RBPMS: variants seen among roughly 807,000 people sequenced by gnomAD.
RBPMS encodes the protein RNA binding protein, mRNA processing factor, also known as RNA-binding protein with multiple splicing.
In RBPMS, 7 loss-of-function variants were observed where a neutral mutation model predicts 26.8. The observed-to-expected ratio is 0.26, with a 90% CI of 0.15 to 0.49. RBPMS has a LOEUF of 0.49. Among genes scored for constraint, RBPMS ranks in the 20% least tolerant of loss-of-function variants. The pLI is 0.98. For synonymous variants in RBPMS, 96 were observed against 93.3 expected (o/e 1.03, Z -0.17); for missense variants, 186 against 250.0 (o/e 0.74, Z 1.73).
chr8:30,569,287 G>C (rs1485478294), intron 8 of RBPMS, among the ~76,000 whole-genome samples: 2 of 152,178 alleles, frequency 1.3e-5, no homozygotes, highest in Admixed American at 6.5e-5. Flanking sequence ...GTTTGCATTT[G>C]GGCCACCTGC....
chr8:30,548,503 CTA>C (rs1826040820), intron 6 of RBPMS, among the ~76,000 whole-genome samples: 1 of 152,194 alleles, frequency 6.6e-6, no homozygotes, highest in African/African-American at 2.4e-5. Context: ...AACAGCAGTT[CTA>C]TCGGATTTCT....
intron 8 of RBPMS, among the ~76,000 whole-genome samples, chr8:30,566,926 T>G (rs1241936455): frequency 1.3e-5 from 2 of 152,128 alleles, no homozygotes; most frequent in Non-Finnish European, 2.9e-5. Context: ...AGCTTAGTAG[T>G]TCATGGTTTT....
chr8:30,518,686 A>ATTTTTTTTT (rs1563402271), intron 5 of RBPMS, among the ~76,000 whole-genome samples: 2 of 8,104 alleles, frequency 2.5e-4, no homozygotes, highest in Non-Finnish European at 3.3e-4. Context: ...GCCAAGCATG[A>ATTTTTTTTT]CTTTTTTTTT....
At chr8:30,407,795 T>TAA (rs779135923) in intron 1 of RBPMS, among the ~76,000 whole-genome samples, 2 of 95,542 alleles carry the variant, frequency 2.1e-5, no homozygotes, top group African/African-American at 4.2e-5. Flanking sequence ...GTGAGTTGAA[T>TAA]AACTTGCCCT....
At chr8:30,529,535 AC>A (rs1337918989) in intron 5 of RBPMS, among the ~76,000 whole-genome samples, 2 of 151,988 alleles carry the variant, frequency 1.3e-5, no homozygotes, top group Non-Finnish European at 1.5e-5. Flanking sequence ...AAACAAAAAA[AC>A]AACTCTAACC....
intron 4 of RBPMS, among the ~76,000 whole-genome samples, chr8:30,500,891 T>C (rs1415991986): frequency 6.6e-6 from 1 of 152,138 alleles, no homozygotes; most frequent in Admixed American, 6.5e-5. Flanking sequence ...GCTGCTCTAA[T>C]GGTTTCATAT....
chr8:30,414,517 G>T (rs1809831225), intron 1 of RBPMS, among the ~76,000 whole-genome samples: 1 of 152,112 alleles, frequency 6.6e-6, no homozygotes, highest in Non-Finnish European at 1.5e-5. Context: ...CCCAGACCTT[G>T]GCCAGGAGGC....
chr8:30,492,825 A>T (rs1195356489), intron 4 of RBPMS, among the ~76,000 whole-genome samples: 2 of 152,230 alleles, frequency 1.3e-5, no homozygotes, highest in African/African-American at 2.4e-5. Flanking sequence ...TCTTTTGTCC[A>T]TTTTATTGTT....
At chr8:30,569,009 C>T (rs191411088) in intron 8 of RBPMS, among the ~76,000 whole-genome samples, 13 of 151,870 alleles carry the variant, frequency 8.6e-5, no homozygotes, top group African/African-American at 2.4e-4. Flanking sequence ...GCAGCCATTC[C>T]GCCTGCTCAG....
chr8:30,392,783 C>T (rs888944762), intron 1 of RBPMS, among the ~76,000 whole-genome samples: 2 of 151,910 alleles, frequency 1.3e-5, no homozygotes, highest in African/African-American at 2.4e-5. Context: ...AGCTAAGTGA[C>T]GGTTGTATTT....
intron 3 of RBPMS, 73 bp downstream of exon 3, chr8:30,477,910 C>A: frequency 9.8e-7 from 1 of 1,020,110 alleles, no homozygotes; most frequent in South Asian, 1.4e-5. Context: ...GCTTGACATT[C>A]TTTTTTTATT....
At chr8:30,454,555 ATT>A (rs1814977072) in intron 1 of RBPMS, among the ~76,000 whole-genome samples, 1 of 152,224 alleles carries the variant, frequency 6.6e-6, no homozygotes, top group Non-Finnish European at 1.5e-5. Context: ...TGAATTATGC[ATT>A]CTTTTCCTTA....
chr8:30,544,815 C>A (rs1243947990), intron 6 of RBPMS, 191 bp downstream of exon 6: 1 of 1,549,484 alleles, frequency 6.5e-7, no homozygotes, highest in East Asian at 2.4e-5. Flanking sequence ...GCAATGATAT[C>A]ACCCACTGCC....
chr8:30,430,730 C>T (rs1175410045), intron 1 of RBPMS, among the ~76,000 whole-genome samples: 4 of 152,146 alleles, frequency 2.6e-5, no homozygotes, highest in African/African-American at 9.7e-5. Context: ...CTACTAACAC[C>T]ATATTTAGTG....
chr8:30,482,380 A>G (rs920237422), intron 4 of RBPMS, among the ~76,000 whole-genome samples: 1 of 152,220 alleles, frequency 6.6e-6, no homozygotes, highest in Non-Finnish European at 1.5e-5. Context: ...TTCTCTGTGT[A>G]TAATACTTCA....
chr8:30,410,964 T>C (rs1445037457), intron 1 of RBPMS, among the ~76,000 whole-genome samples: 1 of 152,118 alleles, frequency 6.6e-6, no homozygotes, highest in Non-Finnish European at 1.5e-5. Flanking sequence ...GGTCTTTAAC[T>C]CGTGGGCTCT....
intron 8 of RBPMS, among the ~76,000 whole-genome samples, chr8:30,569,863 T>C (rs1459555881): frequency 6.6e-6 from 1 of 152,180 alleles, no homozygotes. Context: ...CTAGAACTAA[T>C]GTCATTATTT....
intron 7 of RBPMS, 37 bp downstream of exon 7, chr8:30,558,993 C>T (rs926824493): frequency 1.3e-6 from 2 of 1,566,618 alleles, no homozygotes; most frequent in South Asian, 1.1e-5. Context: ...TGCGAAGCCC[C>T]TAGAACACAT....
intron 1 of RBPMS, among the ~76,000 whole-genome samples, chr8:30,470,132 C>T (rs1026692530): frequency 6.6e-6 from 1 of 151,936 alleles, no homozygotes; most frequent in Non-Finnish European, 1.5e-5. Flanking sequence ...ACCTGTAATC[C>T]CAGCACTTTG....
Sources: allele counts gnomAD v4.1 joint callset (sites outside exome capture counted in the v4.1 genomes callset), GRCh38; gene constraint gnomAD v4.1.1; transcripts MANE v1.5; gene names NCBI Gene and HGNC (gene_info 2026-07-23, HGNC 2026-07-21).